The following FAM13C variants were observed in gnomAD, a reference collection of about 807,000 sequenced individuals.
FAM13C encodes family with sequence similarity 13 member C, also known as protein FAM13C.
Under a neutral mutation model 73.2 loss-of-function variants are expected in FAM13C, and 37 were observed. That is an observed-to-expected ratio of 0.51 (90% CI 0.39 to 0.67). The LOEUF is 0.67. Among genes scored for constraint, FAM13C ranks in the 30% least tolerant of loss-of-function variants. The pLI, the probability that FAM13C is intolerant of heterozygous loss-of-function variation, is 0.00. For synonymous variants in FAM13C, 246 were observed against 260.9 expected (o/e 0.94, Z 0.55); for missense variants, 589 against 715.6 (o/e 0.82, Z 2.02).
intron 8 of FAM13C, among the ~76,000 whole-genome samples, chr10:59,266,906 A>T (rs1402169363): frequency 6.6e-6 from 1 of 152,226 alleles, no homozygotes; most frequent in Non-Finnish European, 1.5e-5. Flanking sequence ...CATAGATTAA[A>T]AAGTTTGTGT....
chr10:59,320,436 T>C (rs1356309773), intron 4 of FAM13C, among the ~76,000 whole-genome samples: 1 of 152,184 alleles, frequency 6.6e-6, no homozygotes, highest in African/African-American at 2.4e-5. Flanking sequence ...TGGCTTTAAC[T>C]GTATCTGAGG....
At chr10:59,284,536 C>T (rs1308547276) in intron 5 of FAM13C, among the ~76,000 whole-genome samples, 1 of 151,340 alleles carries the variant, frequency 6.6e-6, no homozygotes, top group Non-Finnish European at 1.5e-5. Context: ...AGTGTCACTC[C>T]CACTCCACAG....
chr10:59,302,744 A>T, intron 5 of FAM13C, 57 bp downstream of exon 5: 4 of 1,496,418 alleles, frequency 2.7e-6, no homozygotes, highest in Non-Finnish European at 3.7e-6. Flanking sequence ...GAAAAAGAAT[A>T]GTAAATCTCA....
At chr10:59,321,327 A>G (rs1256161867) in intron 4 of FAM13C, among the ~76,000 whole-genome samples, 1 of 150,990 alleles carries the variant, frequency 6.6e-6, no homozygotes, top group Non-Finnish European at 1.5e-5. Flanking sequence ...GGAGGAAGGG[A>G]CCATAAGCCA....
intron 13 of FAM13C, among the ~76,000 whole-genome samples, chr10:59,248,523 G>A (rs565106454): frequency 1.3e-5 from 2 of 152,210 alleles, no homozygotes; most frequent in East Asian, 3.9e-4. Flanking sequence ...GAAAAATTGC[G>A]ACAGGGTCTC....
At chr10:59,280,554 G>T (rs1844812632) in intron 6 of FAM13C, among the ~76,000 whole-genome samples, 1 of 152,168 alleles carries the variant, frequency 6.6e-6, no homozygotes, top group African/African-American at 2.4e-5. Flanking sequence ...TGAATAGTGT[G>T]GTTCTATTAT....
At chr10:59,321,910 C>T (rs997862573) in intron 4 of FAM13C, among the ~76,000 whole-genome samples, 4 of 152,090 alleles carry the variant, frequency 2.6e-5, no homozygotes, top group African/African-American at 9.7e-5. Flanking sequence ...ATATTAATAG[C>T]ATTCTCCCCA....
Position 59,302,794 on chromosome 10 carries a change from C to T in FAM13C, c.507+7G>A, listed in dbSNP as rs1297267541. ...ATGTTCTTATAACCAGTAATGATTG[C>T]ACGTACCTCATTTAAGTCCTGCCGA... On this transcript the variant is annotated splice_region_variant and intron_variant, in intron 5 of 13. Transcript: ENST00000618804. The T allele has an allele frequency of 6.2e-7, 1 of 1,613,310 alleles. No homozygotes were observed. Among genetic ancestry groups the T allele is most frequent in the South Asian group, 1.1e-5 (1 of 91,056 alleles).
intron 6 of FAM13C, among the ~76,000 whole-genome samples, chr10:59,271,125 C>T (rs1454467762): frequency 6.6e-6 from 1 of 151,580 alleles, no homozygotes; most frequent in African/African-American, 2.4e-5. Context: ...CAGTCTCCTT[C>T]TCAAGTTTGC....
At chr10:59,273,451 A>T (rs1392925080) in intron 6 of FAM13C, among the ~76,000 whole-genome samples, 1 of 152,184 alleles carries the variant, frequency 6.6e-6, no homozygotes, top group Non-Finnish European at 1.5e-5. Context: ...ATCCCTCAAC[A>T]TGTTGTCACT....
Position 59,302,793 on chromosome 10 carries a change from G to A in FAM13C, c.507+8C>T. ...CATGTTCTTATAACCAGTAATGATT[G>A]CACGTACCTCATTTAAGTCCTGCCG... is the stretch of plus-strand genomic sequence containing the variant. On this transcript the variant is annotated splice_region_variant and intron_variant, in intron 5 of 13. Transcript: ENST00000618804. The A allele has an allele frequency of 6.2e-7, 1 of 1,612,984 alleles. No homozygotes were observed. Among genetic ancestry groups the A allele is most frequent in the South Asian group, 1.1e-5 (1 of 91,042 alleles).
intron 1 of FAM13C, among the ~76,000 whole-genome samples, chr10:59,357,132 C>G (rs1318621946): frequency 6.6e-6 from 1 of 152,194 alleles, no homozygotes; most frequent in Non-Finnish European, 1.5e-5. Flanking sequence ...TGCAGACGGA[C>G]TATTGTGGGA....
At chr10:59,308,781 C>A (rs1285102739) in intron 4 of FAM13C, among the ~76,000 whole-genome samples, 1 of 152,206 alleles carries the variant, frequency 6.6e-6, no homozygotes, top group East Asian at 1.9e-4. Flanking sequence ...TGTGGATAGC[C>A]CACTGAAATA....
intron 5 of FAM13C, among the ~76,000 whole-genome samples, chr10:59,290,225 G>A (rs1846063584): frequency 6.6e-6 from 1 of 152,176 alleles, no homozygotes; most frequent in Non-Finnish European, 1.5e-5. Context: ...CACACAGGCT[G>A]GATGGTTAAA....
At chr10:59,323,773 T>C (rs778658850) in intron 4 of FAM13C, among the ~76,000 whole-genome samples, 1 of 152,182 alleles carries the variant, frequency 6.6e-6, no homozygotes, top group Non-Finnish European at 1.5e-5. Flanking sequence ...AGGTAGATTA[T>C]TTTCAAATGG....
chr10:59,299,635 T>C (rs1847321803), intron 5 of FAM13C, among the ~76,000 whole-genome samples: 1 of 152,192 alleles, frequency 6.6e-6, no homozygotes, highest in Admixed American at 6.5e-5. Context: ...ACAATCATTG[T>C]TCTTCATTTT....
chr10:59,280,596 G>T (rs1844815640), intron 6 of FAM13C, among the ~76,000 whole-genome samples: 1 of 152,190 alleles, frequency 6.6e-6, no homozygotes, highest in African/African-American at 2.4e-5. Flanking sequence ...ACAGATTCCA[G>T]GACTTTCATC....
At chr10:59,348,114 C>G (rs1381926146) in intron 3 of FAM13C, among the ~76,000 whole-genome samples, 1 of 152,180 alleles carries the variant, frequency 6.6e-6, no homozygotes, top group Non-Finnish European at 1.5e-5. Context: ...CCCAATATGG[C>G]AGTAGCGCAA....
chr10:59,271,303 A>G (rs1206140138), intron 6 of FAM13C, among the ~76,000 whole-genome samples: 2 of 152,238 alleles, frequency 1.3e-5, no homozygotes, highest in Non-Finnish European at 2.9e-5. Context: ...AATCTTAATC[A>G]GATTTAGAGT....
Sources: gnomAD v4.1 joint callset for allele counts (sites outside exome capture counted in the v4.1 genomes callset) on GRCh38, gnomAD v4.1.1 for gene constraint, MANE v1.5 for transcripts, NCBI Gene and HGNC (gene_info 2026-07-23, HGNC 2026-07-21) for gene names.